Variants in CSTPP1 observed in about 807,000 individuals in gnomAD.
The protein encoded by CSTPP1 is centriolar satellite-associated tubulin polyglutamylase complex regulator 1, also known as UPF0705 protein C11orf49.
chr11:47,137,323 T>C, the CSTPP1 span: 2 of 1,373,978 alleles, frequency 1.5e-6, no homozygotes, highest in Non-Finnish European at 1.9e-6. Context: ...CAGATTTTTA[T>C]ATACAAGGAA....
At chr11:46,964,028 A>G in the CSTPP1 span, among the ~76,000 whole-genome samples, 1 of 152,176 alleles carries the variant, frequency 6.6e-6, no homozygotes, top group African/African-American at 2.4e-5. Context: ...ATAGGTTTTT[A>G]TTCGATGACT....
At chr11:47,099,963 A>T in the CSTPP1 span, among the ~76,000 whole-genome samples, 1 of 152,118 alleles carries the variant, frequency 6.6e-6, no homozygotes, top group Admixed American at 6.5e-5. Flanking sequence ...CTCCTTACCT[A>T]TTCCAATTTG....
chr11:47,135,536 G>C, the CSTPP1 span, among the ~76,000 whole-genome samples: 1 of 152,102 alleles, frequency 6.6e-6, no homozygotes, highest in African/African-American at 2.4e-5. Flanking sequence ...GGAGTGTCTC[G>C]AAGTAGCAGA....
chr11:47,105,602 A>G, the CSTPP1 span, among the ~76,000 whole-genome samples: 15,677 of 152,296 alleles, frequency 0.1, 1,075 homozygotes, highest in Middle Eastern at 0.16. Context: ...TTTTTGTTAT[A>G]TAATCCTCAC....
At chr11:47,054,137 A>G in the CSTPP1 span, among the ~76,000 whole-genome samples, 1 of 149,554 alleles carries the variant, frequency 6.7e-6, no homozygotes. Flanking sequence ...GTGAAACCCC[A>G]TCTCTACTAA....
At chr11:46,986,260 G>T in the CSTPP1 span, among the ~76,000 whole-genome samples, 1 of 151,888 alleles carries the variant, frequency 6.6e-6, no homozygotes, top group East Asian at 1.9e-4. Context: ...TTTATTATAC[G>T]CCCATGATTA....
At chr11:46,998,507 G>T in the CSTPP1 span, among the ~76,000 whole-genome samples, 5 of 152,308 alleles carry the variant, frequency 3.3e-5, no homozygotes, top group Admixed American at 6.5e-5. Flanking sequence ...CACCAGATTG[G>T]CTTGAGGTAA....
At chr11:47,096,048 C>T in the CSTPP1 span, among the ~76,000 whole-genome samples, 3 of 152,122 alleles carry the variant, frequency 2.0e-5, no homozygotes. Flanking sequence ...GGGGTATGGC[C>T]AGAGAATCTG....
At chr11:47,154,118 G>A in the CSTPP1 span, among the ~76,000 whole-genome samples, 1 of 152,022 alleles carries the variant, frequency 6.6e-6, no homozygotes, top group Non-Finnish European at 1.5e-5. Flanking sequence ...TCTATTTTTA[G>A]TAGAAGTGGG....
the CSTPP1 span, among the ~76,000 whole-genome samples, chr11:47,094,052 G>A: frequency 1.3e-5 from 2 of 152,120 alleles, no homozygotes; most frequent in Admixed American, 1.3e-4. Flanking sequence ...AACAGAATTA[G>A]GTCCAGCCGG....
the CSTPP1 span, chr11:47,052,415 C>T: frequency 1.9e-6 from 3 of 1,613,886 alleles, no homozygotes; most frequent in South Asian, 3.3e-5. Flanking sequence ...AGGGAACACA[C>T]ATTCTCTTTC....
chr11:47,090,761 C>T, the CSTPP1 span, among the ~76,000 whole-genome samples: 5 of 152,080 alleles, frequency 3.3e-5, no homozygotes, highest in Admixed American at 3.3e-4. Flanking sequence ...AATTGAGGGC[C>T]GGGCACGGAG....
At chr11:46,956,460 T>C in the CSTPP1 span, among the ~76,000 whole-genome samples, 1 of 152,114 alleles carries the variant, frequency 6.6e-6, no homozygotes, top group Non-Finnish European at 1.5e-5. Flanking sequence ...AGCAATCAAC[T>C]TAGTGAAGTC....
chr11:47,116,741 G>A, the CSTPP1 span, among the ~76,000 whole-genome samples: 14 of 130,918 alleles, frequency 1.1e-4, no homozygotes, highest in Non-Finnish European at 1.9e-4. Context: ...GTGCACTGGT[G>A]CCATCTCAGC....
chr11:47,063,313 T>C, the CSTPP1 span, among the ~76,000 whole-genome samples: 3 of 152,208 alleles, frequency 2.0e-5, no homozygotes, highest in African/African-American at 4.8e-5. Context: ...AAATCTTTTT[T>C]ATGGCAATAA....
the CSTPP1 span, among the ~76,000 whole-genome samples, chr11:47,054,543 G>T: frequency 6.6e-6 from 1 of 151,970 alleles, no homozygotes; most frequent in African/African-American, 2.4e-5. Flanking sequence ...AAACTCCTGG[G>T]CTCAAGGCCT....
At chr11:47,140,488 T>A in the CSTPP1 span, among the ~76,000 whole-genome samples, 1 of 152,256 alleles carries the variant, frequency 6.6e-6, no homozygotes, top group Middle Eastern at 3.4e-3. Context: ...AGTGGTGCAA[T>A]CTTGGCTGAC....
the CSTPP1 span, among the ~76,000 whole-genome samples, chr11:47,106,114 C>T: frequency 2.6e-5 from 4 of 152,192 alleles, no homozygotes; most frequent in African/African-American, 9.7e-5. Flanking sequence ...ATTAAGCACA[C>T]ACCTTGCATG....
chr11:47,029,754 G>A, the CSTPP1 span, among the ~76,000 whole-genome samples: 2 of 151,686 alleles, frequency 1.3e-5, no homozygotes, highest in Non-Finnish European at 2.9e-5. Context: ...ATAGTTGGAT[G>A]TGATCTGCTC....
Sources: gnomAD v4.1 joint callset for allele counts (sites outside exome capture counted in the v4.1 genomes callset) on GRCh38, gnomAD v4.1.1 for gene constraint, MANE v1.5 for transcripts, NCBI Gene and HGNC (gene_info 2026-07-23, HGNC 2026-07-21) for gene names.